LCP1: variants seen among roughly 807,000 people sequenced by gnomAD.
LCP1 encodes the protein lymphocyte cytosolic protein 1, also known as plastin-2.
LCP1 carries 23 observed loss-of-function variants against 72.0 expected under a neutral mutation model. The ratio of observed to expected loss-of-function variants is 0.32; its 90% CI spans 0.23 to 0.45. LCP1 has a LOEUF of 0.45. Among genes scored for constraint, LCP1 ranks in the 20% least tolerant of loss-of-function variants. The pLI is 1.00. For synonymous variants in LCP1, 245 were observed against 275.4 expected, an observed-to-expected ratio of 0.89 and a Z score of 1.09; for missense variants, 571 against 748.3, an observed-to-expected ratio of 0.76 and a Z score of 2.76.
intron 14 of LCP1, among the ~76,000 whole-genome samples, chr13:46,133,446 T>C (rs1365938946): frequency 6.6e-6 from 1 of 151,974 alleles, no homozygotes; most frequent in Admixed American, 6.6e-5. Context: ...GGCCACATAG[T>C]GAGACCTCAT....
rs2138209336 is a variant in LCP1, at chr13:46,127,507, T to C, written c.*84A>G. The C allele has an allele frequency of 6.5e-7, 1 of 1,544,676 alleles. No individual in the cohort carries two copies. Among genetic ancestry groups the C allele is most frequent in the Non-Finnish European group, 8.8e-7 (1 of 1,134,064 alleles). Reference sequence around the variant, plus strand: ...TATAGAGTGTCACCAAGTTGAACTTTGGAATGGCTTGAATCATCCCTGGAG... The same window carrying C: ...TATAGAGTGTCACCAAGTTGAACTTCGGAATGGCTTGAATCATCCCTGGAG... On this transcript the variant is annotated 3_prime_UTR_variant, in exon 16 of 16. Transcript: ENST00000323076.
intron 14 of LCP1, among the ~76,000 whole-genome samples, chr13:46,133,921 T>C (rs1435707936): frequency 3.9e-5 from 6 of 152,164 alleles, no homozygotes; most frequent in Admixed American, 3.3e-4. Flanking sequence ...TGGGTTTTTA[T>C]GATTAACTTA....
chr13:46,140,051 A>G (rs1355785012), intron 13 of LCP1, among the ~76,000 whole-genome samples: 3 of 152,208 alleles, frequency 2.0e-5, no homozygotes, highest in Admixed American at 6.5e-5. Context: ...AAAGTTTCCA[A>G]GCTGCAGCAT....
Position 46,152,780 on chromosome 13 carries a change from C to T in LCP1, c.739G>A (p.Ala247Thr). The T allele has an allele frequency of 1.2e-6, 2 of 1,612,914 alleles. No individual in the cohort carries two copies. The highest frequency in any genetic ancestry group is 1.7e-6 in the Non-Finnish European group (2 of 1,179,688). ...AATGACCTTTGGGACTTGCTCTTAC[C>T]TTCATTTCTGCTGAGTTCAATGTCA... ...FADIELSRNE[A>T]LIALLREGES... Residue 247 changes from alanine to threonine, a missense_variant and splice_region_variant, in exon 7 of 16, where the codon GCT (alanine) becomes ACT (threonine). Ala to Thr is a moderately conservative substitution (Grantham distance 58). Coordinates refer to ENST00000323076, the MANE Select transcript of LCP1 (RefSeq NM_002298.5).
rs2045802719 is a variant in LCP1, at chr13:46,156,593, A to G, written c.359-23T>C. The G allele has an allele frequency of 6.2e-6, 10 of 1,613,796 alleles. No homozygotes were observed. The East Asian group carries it at 2.0e-4, about 32-fold the overall frequency. On this transcript the variant is annotated intron_variant, in intron 4 of 15. Coordinates refer to ENST00000323076, the MANE Select transcript of LCP1 (RefSeq NM_002298.5). ...CCTCTGCAAGTAAATGATTAAAGTG[A>G]CTCATTTGCAAAGTGAAACTCTATT... is the stretch of plus-strand genomic sequence containing the variant.
In LCP1 at chr13:46,158,913, C is replaced by T. The variant is rs890975379; in HGVS notation, c.141G>A (p.Gly47=). ...LFKAACLPLP[G]YRVREITENL... is the part of the protein sequence containing the mutation. ...TTTCTGTAATTTCTCGTACTCTATA[C>T]CCAGGCAAAGGCAAGCAAGCAGCCT... The change falls in exon 3 of 16, where the codon GGG becomes GGA. Residue 47 remains glycine (G), a synonymous_variant. Coordinates refer to ENST00000323076, the MANE Select transcript of LCP1 (RefSeq NM_002298.5). 2 of 1,614,032 alleles carry T rather than the reference C, an allele frequency of 1.2e-6. No homozygotes were observed. Among genetic ancestry groups the T allele is most frequent in the African/African-American group, 1.3e-5 (1 of 74,916 alleles).
At chr13:46,176,197 G>C (rs1181431791) in intron 1 of LCP1, among the ~76,000 whole-genome samples, 1 of 152,142 alleles carries the variant, frequency 6.6e-6, no homozygotes, top group Non-Finnish European at 1.5e-5. Flanking sequence ...CTAGAAGAGA[G>C]GCGATTGAAT....
At chr13:46,146,528 T>C (rs776807723) in intron 10 of LCP1, among the ~76,000 whole-genome samples, 1 of 152,240 alleles carries the variant, frequency 6.6e-6, no homozygotes, top group Middle Eastern at 3.2e-3. Flanking sequence ...CAGCATACCT[T>C]AAATATCATT....
In LCP1 at chr13:46,150,931, C is replaced by T. The variant is rs779602355; in HGVS notation, c.882+5G>A. 1 of 1,612,858 alleles carries T rather than the reference C, an allele frequency of 6.2e-7. No individual in the cohort carries two copies. The highest frequency in any genetic ancestry group is 8.5e-7 in the Non-Finnish European group (1 of 1,179,494). On this transcript the variant is annotated splice_donor_5th_base_variant and intron_variant, in intron 8 of 15. Transcript: ENST00000323076. Reference sequence around the variant, plus strand: ...AGAGTCATGTTCAAACAACGCTCCTCCTACCTTGATGTCAGTACTGAAGTT... The same window carrying T: ...AGAGTCATGTTCAAACAACGCTCCTTCTACCTTGATGTCAGTACTGAAGTT...
At chr13:46,127,791 G>A in intron 15 of LCP1, 68 bp from the exon 16 acceptor site, 1 of 1,560,016 alleles carries the variant, frequency 6.4e-7, no homozygotes, top group Non-Finnish European at 8.8e-7. Flanking sequence ...ACCCTGGAGG[G>A]TCACAGTCAC....
chr13:46,127,518 G>T lies in LCP1; in HGVS notation c.*73C>A, dbSNP rs1593938502. 7.6e-6 allele frequency: 12 copies of T among 1,576,586 alleles called. No homozygotes were observed. Among genetic ancestry groups the T allele is most frequent in the Middle Eastern group, 2.0e-4 (1 of 5,006 alleles). ...ACCAAGTTGAACTTTGGAATGGCTTGAATCATCCCTGGAGCATCTGTGCCG... is the reference window on the plus strand; with the variant it reads ...ACCAAGTTGAACTTTGGAATGGCTTTAATCATCCCTGGAGCATCTGTGCCG... On this transcript the variant is annotated 3_prime_UTR_variant, in exon 16 of 16. Coordinates refer to ENST00000323076, the MANE Select transcript of LCP1 (RefSeq NM_002298.5).
chr13:46,180,734 G>A (rs1028876139), intron 1 of LCP1, among the ~76,000 whole-genome samples: 4 of 152,118 alleles, frequency 2.6e-5, no homozygotes, highest in African/African-American at 7.2e-5. Context: ...ATTAACTTTC[G>A]CATAGTTCTT....
intron 2 of LCP1, 173 bp downstream of exon 2, chr13:46,159,426 C>A: frequency 1.7e-6 from 1 of 599,082 alleles, no homozygotes; most frequent in Non-Finnish European, 3.0e-6. Flanking sequence ...TAGAGAAAGT[C>A]ATTTTATTGA....
chr13:46,165,771 C>T (rs1193182299), intron 1 of LCP1, among the ~76,000 whole-genome samples: 2 of 151,986 alleles, frequency 1.3e-5, no homozygotes, highest in Non-Finnish European at 2.9e-5. Context: ...GAATTACTGC[C>T]CAAATCAAAA....
intron 1 of LCP1, among the ~76,000 whole-genome samples, chr13:46,180,366 A>G (rs2045950623): frequency 6.6e-6 from 1 of 152,232 alleles, no homozygotes; most frequent in Non-Finnish European, 1.5e-5. Flanking sequence ...CAACAAGTAA[A>G]TGAGACTTTA....
At chr13:46,148,044 A>G (rs1250100496) in intron 9 of LCP1, among the ~76,000 whole-genome samples, 1 of 152,152 alleles carries the variant, frequency 6.6e-6, no homozygotes, top group Non-Finnish European at 1.5e-5. Flanking sequence ...GCGGCAAAAC[A>G]GAAGTTTTAT....
At chr13:46,149,932 G>A (rs1344474103) in intron 8 of LCP1, among the ~76,000 whole-genome samples, 1 of 152,244 alleles carries the variant, frequency 6.6e-6, no homozygotes, top group Non-Finnish European at 1.5e-5. Flanking sequence ...AATAGCCCAT[G>A]AAAGATGCAT....
At chr13:46,134,689 T>G (rs1245893024) in intron 13 of LCP1, among the ~76,000 whole-genome samples, 1 of 152,132 alleles carries the variant, frequency 6.6e-6, no homozygotes, top group Non-Finnish European at 1.5e-5. Context: ...ATGTTAGAAA[T>G]ATGCTGACAA....
intron 1 of LCP1, among the ~76,000 whole-genome samples, chr13:46,163,132 A>G (rs868518019): frequency 5.2e-4 from 79 of 152,328 alleles, no homozygotes; most frequent in African/African-American, 1.9e-3. Context: ...CCCGTCTGGG[A>G]GGTGTACCCA....
Sources: gnomAD v4.1 joint callset for allele counts (sites outside exome capture counted in the v4.1 genomes callset) on GRCh38, gnomAD v4.1.1 for gene constraint, MANE v1.5 for transcripts, NCBI Gene and HGNC (gene_info 2026-07-23, HGNC 2026-07-21) for gene names.